MORN1: variants seen among roughly 807,000 people sequenced by gnomAD.
The protein encoded by MORN1 is MORN repeat containing 1, also known as MORN repeat-containing protein 1.
Under a neutral mutation model 61.9 loss-of-function variants are expected in MORN1, and 67 were observed. The observed-to-expected ratio is 1.08, with a 90% confidence interval of 0.89 to 1.33. The LOEUF is 1.33. Ranked by LOEUF, MORN1 falls within the 40% of genes most tolerant of loss-of-function variation. The probability of loss-of-function intolerance (pLI) is 0.00; values close to 1 mark genes in which losing one functional copy is unlikely to be tolerated. For missense variants in MORN1, 752 were observed against 691.2 expected (o/e 1.09, Z -0.99); for synonymous variants, 301 against 292.0 (o/e 1.03, Z -0.31).
intron 12 of MORN1, among the ~76,000 whole-genome samples, chr1:2,331,316 G>A (rs1274093360): frequency 6.6e-6 from 1 of 152,082 alleles, no homozygotes; most frequent in African/African-American, 2.4e-5. Flanking sequence ...GGCAGCACGG[G>A]CCAGGGCAGC....
Position 2,358,596 on chromosome 1 carries a change from G to A in MORN1, c.865C>T (p.Pro289Ser). Reference sequence around the variant, plus strand: ...ATTGGTGTCACACGTACTCACAATGGGGTCTGGATGAGTGTCTCTTGGTTG... The same window carrying A: ...ATTGGTGTCACACGTACTCACAATGAGGTCTGGATGAGTGTCTCTTGGTTG... The part of the protein sequence containing the change: ...RDNQETLIQT[P>S]FGFECIPYPV... The change falls in exon 9 of 14, where the codon CCA becomes TCA. Residue 289 changes from proline (P) to serine (S), a missense_variant. Physicochemically the swap from Pro to Ser is moderately conservative, Grantham distance 74. Coordinates refer to ENST00000378531, the MANE Select transcript of MORN1 (RefSeq NM_024848.3). 6.2e-7 allele frequency: 1 copy of A among 1,614,044 alleles called. No individual in the cohort carries two copies. Among genetic ancestry groups the A allele is most frequent in the Non-Finnish European group, 8.5e-7 (1 of 1,179,962 alleles).
chr1:2,322,141 C>T (rs940518869), intron 13 of MORN1: 33 of 985,276 alleles, frequency 3.3e-5, no homozygotes, highest in African/African-American at 2.8e-4. Flanking sequence ...GGGCACTCGG[C>T]AGAGAAGGAA....
rs756706455 is a variant in MORN1, at chr1:2,387,556, A to G, written c.248-27T>C. On this transcript the variant is annotated intron_variant, in intron 3 of 13. Transcript: ENST00000378531. ...TGCATGTGGACAAGGAGGAGGGGAG[A>G]CAGGAGGTTCAGTTCAGGGCTGCGG... The G allele has an allele frequency of 2.6e-6, 4 of 1,552,708 alleles. No individual in the cohort carries two copies. The South Asian group carries it at 3.3e-5, about 13-fold the overall frequency.
At position 2,385,900 on chromosome 1, in the gene MORN1, G is replaced by A. The variant is rs1642486487; in HGVS notation, c.359-3C>T. 8 of 1,613,656 alleles carry A rather than the reference G, an allele frequency of 5.0e-6. No individual in the cohort carries two copies. In the East Asian group the frequency reaches 1.8e-4, roughly 36 times the overall value. On this transcript the variant is annotated splice_polypyrimidine_tract_variant and splice_region_variant and intron_variant, in intron 4 of 13. Transcript: ENST00000378531. ...CCGGTCCACCAGAAACCCGTGTCCTGGAGAAGGGACCGAGAGACAGACTTG... is the reference window on the plus strand; with the variant it reads ...CCGGTCCACCAGAAACCCGTGTCCTAGAGAAGGGACCGAGAGACAGACTTG...
intron 10 of MORN1, among the ~76,000 whole-genome samples, chr1:2,344,179 G>A (rs756867640): frequency 6.6e-6 from 1 of 152,204 alleles, no homozygotes; most frequent in Non-Finnish European, 1.5e-5. Flanking sequence ...GGATGTCCAG[G>A]GGCACTGCCC....
At chr1:2,364,115 C>T (rs1489398917) in intron 8 of MORN1, among the ~76,000 whole-genome samples, 2 of 151,988 alleles carry the variant, frequency 1.3e-5, no homozygotes, top group African/African-American at 4.8e-5. Flanking sequence ...TAGAGCTACA[C>T]CATGCTAATG....
intron 8 of MORN1, among the ~76,000 whole-genome samples, chr1:2,366,299 G>A (rs1570002947): frequency 6.7e-6 from 1 of 148,716 alleles, no homozygotes; most frequent in Non-Finnish European, 1.5e-5. Flanking sequence ...GACACAGGAA[G>A]GGGAACATCA....
intron 13 of MORN1, chr1:2,323,686 C>T (rs1452735513): frequency 1.0e-6 from 1 of 985,170 alleles, no homozygotes; most frequent in Non-Finnish European, 1.2e-6. Context: ...GCCTTCCGCC[C>T]AGCCCAGGCC....
At chr1:2,379,953 C>T (rs1451319849) in intron 6 of MORN1, among the ~76,000 whole-genome samples, 2 of 152,208 alleles carry the variant, frequency 1.3e-5, no homozygotes, top group African/African-American at 4.8e-5. Context: ...GCATCACCCA[C>T]AGGACCCAGG....
At chr1:2,353,448 C>T (rs893788770) in intron 10 of MORN1, among the ~76,000 whole-genome samples, 3 of 152,202 alleles carry the variant, frequency 2.0e-5, no homozygotes, top group African/African-American at 7.2e-5. Flanking sequence ...GGGTTGCTGA[C>T]TGAGAGAGGG....
chr1:2,335,273 C>T (rs1046871537), intron 12 of MORN1, among the ~76,000 whole-genome samples: 5 of 152,216 alleles, frequency 3.3e-5, no homozygotes, highest in Admixed American at 1.3e-4. Context: ...GGAGCTCCAC[C>T]GGTGGGCCTG....
chr1:2,336,443 C>T (rs745480732), intron 12 of MORN1, 26 bp downstream of exon 12: 51 of 1,606,746 alleles, frequency 3.2e-5, no homozygotes, highest in Middle Eastern at 1.9e-4. Flanking sequence ...CTCCGAACAC[C>T]TGCAGGTGGG....
chr1:2,372,818 G>A lies in MORN1; in HGVS notation c.635-227C>T, dbSNP rs1175697862. 6.6e-6 allele frequency among the ~76,000 whole-genome samples: 1 copy of A among 152,262 alleles called. No homozygotes were observed. The highest frequency in any genetic ancestry group is 1.5e-5 in the Non-Finnish European group (1 of 68,046). The stretch of plus-strand genomic sequence containing the variant: ...CTCGGCTCTGCTGGCCTGGAGCACT[G>A]TGGAATCGAACCAAGTGGACCACCG... On this transcript the variant is annotated intron_variant, in intron 7 of 13. Coordinates refer to ENST00000378531, the MANE Select transcript of MORN1 (RefSeq NM_024848.3). This position sits in a 1 kb window ranked among gnomAD's most constrained non-coding sequence, Gnocchi z 5.4.
intron 13 of MORN1, chr1:2,322,974 T>C (rs371069678): frequency 1.0e-6 from 1 of 985,328 alleles, no homozygotes; most frequent in South Asian, 4.7e-5. Flanking sequence ...CATACGTACA[T>C]GGCTTAGCCC....
Position 2,321,435 on chromosome 1 carries a change from C to T in MORN1, c.1442G>A (p.Ser481Asn). ...GCAGCTGTGGGCGGCCTGCCAGCTG[C>T]TTGAGGCTTCAGGGCCTTCTTCCAG... is the stretch of plus-strand genomic sequence containing the variant. ...HVLEEGPEASSSWQAAHSCTP... is the reference protein window; with the variant it reads ...HVLEEGPEASNSWQAAHSCTP... The change falls in exon 14 of 14, where the codon AGC becomes AAC. Residue 481 changes from serine to asparagine, a missense_variant. Ser to Asn is a conservative substitution (Grantham distance 46). Coordinates refer to ENST00000378531, the MANE Select transcript of MORN1 (RefSeq NM_024848.3). The T allele has an allele frequency of 6.5e-7, 1 of 1,541,914 alleles. No individual in the cohort carries two copies.
intron 10 of MORN1, among the ~76,000 whole-genome samples, chr1:2,356,610 G>A (rs975795668): frequency 3.3e-5 from 5 of 152,188 alleles, no homozygotes; most frequent in Admixed American, 2.6e-4. Context: ...CCCGTTTACT[G>A]AGCCTTGGGG....
intron 12 of MORN1, among the ~76,000 whole-genome samples, chr1:2,324,389 T>C (rs1044339543): frequency 2.6e-5 from 4 of 152,170 alleles, no homozygotes; most frequent in African/African-American, 9.6e-5. Flanking sequence ...AAATTCTTGA[T>C]GTGCTTATGG....
chr1:2,324,174 T>C (rs1236687142), intron 12 of MORN1, 31 bp from the exon 13 acceptor site: 3 of 1,581,264 alleles, frequency 1.9e-6, no homozygotes, highest in Admixed American at 1.8e-5. Flanking sequence ...GGCCCCTGAA[T>C]GCCCTGCCTG....
chr1:2,379,354 C>G (rs1030769721), intron 6 of MORN1: 4 of 358,276 alleles, frequency 1.1e-5, no homozygotes, highest in Non-Finnish European at 2.2e-5. Context: ...AATAAACGAA[C>G]AGCCGGCGCT....
Sources: gnomAD v4.1 joint callset for allele counts (sites outside exome capture counted in the v4.1 genomes callset) on GRCh38, gnomAD v4.1.1 for gene constraint, Gnocchi (gnomAD v3.1) non-coding constraint, MANE v1.5 for transcripts, NCBI Gene and HGNC (gene_info 2026-07-23, HGNC 2026-07-21) for gene names.